DLG2: variants seen among roughly 807,000 people sequenced by gnomAD.
DLG2 encodes discs large MAGUK scaffold protein 2.
DLG2 carries 45 observed loss-of-function variants against 132.5 expected under a neutral mutation model. The ratio of observed to expected loss-of-function variants is 0.34; its 90% CI spans 0.27 to 0.44. DLG2 has a LOEUF of 0.44. DLG2 is among the 20% of genes least tolerant of loss of function. DLG2 has a pLI of 1.00. For synonymous variants in DLG2, 424 were observed against 419.6 expected (o/e 1.01, Z -0.13); for missense variants, 1,045 against 1,196.9 (o/e 0.87, Z 1.87).
At chr11:84,510,155 A>G (rs1466446695) in intron 7 of DLG2, among the ~76,000 whole-genome samples, 1 of 151,128 alleles carries the variant, frequency 6.6e-6, no homozygotes, top group Non-Finnish European at 1.5e-5. Flanking sequence ...AAAACAGTAA[A>G]TTAGAATAAG....
At chr11:84,482,340 T>G (rs942657236) in intron 7 of DLG2, among the ~76,000 whole-genome samples, 1 of 152,222 alleles carries the variant, frequency 6.6e-6, no homozygotes, top group South Asian at 2.1e-4. Context: ...AATGTCTTGG[T>G]ATTCTCATAA....
chr11:84,227,496 T>C (rs1196566310), intron 8 of DLG2, among the ~76,000 whole-genome samples: 5 of 152,154 alleles, frequency 3.3e-5, no homozygotes, highest in Admixed American at 3.3e-4. Context: ...AATCACAGCA[T>C]CTGTAAGAAT....
At chr11:84,978,564 A>G (rs1003607950) in intron 6 of DLG2, among the ~76,000 whole-genome samples, 6 of 152,212 alleles carry the variant, frequency 3.9e-5, no homozygotes, top group African/African-American at 1.4e-4. Flanking sequence ...AGAAATGGGG[A>G]AAGGATTCCC....
rs149393799 is a variant in DLG2, at chr11:85,470,485, G to A, written c.40+128172C>T. ...TGCCTGTAATCCCAGCACTTTGGGC[G>A]GCCAAGGCAGGTGGATCACTTGAGA... is the stretch of plus-strand genomic sequence containing the variant. On this transcript the variant is annotated intron_variant, in intron 3 of 27. Coordinates refer to ENST00000376104, the MANE Select transcript of DLG2 (RefSeq NM_001142699.3). Among the ~76,000 whole-genome samples, 813 of 152,194 alleles carry A rather than the reference G, an allele frequency of 5.3e-3. 4 individuals carry two copies. The highest frequency in any genetic ancestry group is 0.024 in the Middle Eastern group (7 of 294).
intron 25 of DLG2, among the ~76,000 whole-genome samples, chr11:83,467,855 A>G (rs1304109548): frequency 6.9e-6 from 1 of 145,398 alleles, no homozygotes; most frequent in Non-Finnish European, 1.5e-5. Context: ...ATATATATAT[A>G]TATATATAAA....
Position 85,002,758 on chromosome 11 carries a change from G to A in DLG2, c.357+108903C>T, listed in dbSNP as rs538620423. On this transcript the variant is annotated intron_variant, in intron 6 of 27. Coordinates refer to ENST00000376104, the MANE Select transcript of DLG2 (RefSeq NM_001142699.3). ...TAATAAAAGTTACACTGAGTGTGCC[G>A]CTTCTCCTGCCTCCCCTTTCACCTC... Among the ~76,000 whole-genome samples, 4 of 151,932 alleles carry A rather than the reference G, an allele frequency of 2.6e-5. No individual in the cohort carries two copies. In the South Asian group the frequency reaches 6.2e-4, roughly 24 times the overall value.
intron 6 of DLG2, among the ~76,000 whole-genome samples, chr11:84,898,152 C>A (rs576996456): frequency 2.2e-4 from 34 of 151,996 alleles, no homozygotes; most frequent in Middle Eastern, 6.8e-3. Flanking sequence ...TTTTCCTACT[C>A]AGTTTTTACA....
At chr11:83,838,544 A>G (rs2056810928) in intron 16 of DLG2, among the ~76,000 whole-genome samples, 1 of 152,258 alleles carries the variant, frequency 6.6e-6, no homozygotes. Flanking sequence ...CCAGCAAGTC[A>G]AAGGCTGAAT....
intron 16 of DLG2, among the ~76,000 whole-genome samples, chr11:83,861,064 T>A (rs1385982874): frequency 6.6e-6 from 1 of 152,142 alleles, no homozygotes; most frequent in Non-Finnish European, 1.5e-5. Context: ...GAAAATGGAC[T>A]AATAAAAATT....
chr11:84,116,940 C>T (rs1041285543), intron 9 of DLG2, among the ~76,000 whole-genome samples: 2 of 152,174 alleles, frequency 1.3e-5, no homozygotes, highest in Admixed American at 1.3e-4. Flanking sequence ...TTTCCAACGC[C>T]TATTTCTCAC....
At chr11:84,291,420 C>T (rs1271829915) in intron 7 of DLG2, among the ~76,000 whole-genome samples, 1 of 152,116 alleles carries the variant, frequency 6.6e-6, no homozygotes, top group Non-Finnish European at 1.5e-5. Flanking sequence ...GTATAATTTA[C>T]ATTATGTATT....
intron 6 of DLG2, among the ~76,000 whole-genome samples, chr11:84,786,391 T>C (rs2072899812): frequency 6.6e-6 from 1 of 152,172 alleles, no homozygotes; most frequent in Admixed American, 6.6e-5. Flanking sequence ...TTGGTTTTAT[T>C]ATAAGAAAAC....
chr11:83,935,231 T>C (rs996368471), intron 14 of DLG2, among the ~76,000 whole-genome samples: 13 of 152,182 alleles, frequency 8.5e-5, no homozygotes, highest in Admixed American at 7.9e-4. Context: ...AAAAGGATTG[T>C]AACTTTAAAA....
intron 18 of DLG2, among the ~76,000 whole-genome samples, chr11:83,666,272 AACTCAG>A (rs1323534811): frequency 3.9e-5 from 6 of 152,138 alleles, no homozygotes; most frequent in Non-Finnish European, 8.8e-5. Flanking sequence ...TGGTTTCTTT[AACTCAG>A]AGGTCCCCAA....
At chr11:83,685,542 G>A (rs866533226) in intron 18 of DLG2, among the ~76,000 whole-genome samples, 1 of 151,906 alleles carries the variant, frequency 6.6e-6, no homozygotes, top group African/African-American at 2.4e-5. Flanking sequence ...ATCCTTCTAC[G>A]TCTCCTTTGC....
chr11:85,156,076 T>C (rs1196380917), intron 4 of DLG2, among the ~76,000 whole-genome samples: 1 of 152,108 alleles, frequency 6.6e-6, no homozygotes, highest in African/African-American at 2.4e-5. Context: ...GCAATAGCTA[T>C]AGAGACATGT....
intron 15 of DLG2, among the ~76,000 whole-genome samples, chr11:83,929,112 C>A (rs1468435688): frequency 6.6e-6 from 1 of 152,106 alleles, no homozygotes; most frequent in Non-Finnish European, 1.5e-5. Flanking sequence ...TTTACATAGT[C>A]AAAAATGTGT....
At chr11:84,927,606 G>A (rs1468505742) in intron 6 of DLG2, among the ~76,000 whole-genome samples, 1 of 152,016 alleles carries the variant, frequency 6.6e-6, no homozygotes, top group East Asian at 1.9e-4. Flanking sequence ...ATGTTGTAGA[G>A]AGAAAGTAGC....
intron 4 of DLG2, among the ~76,000 whole-genome samples, chr11:85,220,748 A>C (rs2074583782): frequency 6.6e-6 from 1 of 151,404 alleles, no homozygotes; most frequent in African/African-American, 2.4e-5. Context: ...TAATCAGGAA[A>C]CTAGAAACAA....
Sources: gnomAD v4.1 joint callset for allele counts (sites outside exome capture counted in the v4.1 genomes callset) on GRCh38, gnomAD v4.1.1 for gene constraint, MANE v1.5 for transcripts, NCBI Gene and HGNC (gene_info 2026-07-23, HGNC 2026-07-21) for gene names.